Variants in WWOX observed in about 807,000 individuals in gnomAD.
WWOX encodes the protein WW domain containing oxidoreductase.
WWOX carries 69 observed loss-of-function variants against 46.2 expected under a neutral mutation model. That is an observed-to-expected ratio of 1.49 (90% confidence interval 1.23 to 1.82). The LOEUF is 1.82. WWOX is among the 40% of genes most tolerant of loss of function. The probability of loss-of-function intolerance (pLI) is 0.00; values close to 1 mark genes in which losing one functional copy is unlikely to be tolerated. For missense variants in WWOX, 919 were observed against 542.6 expected (o/e 1.69, Z -6.89); for synonymous variants, 359 against 202.6 (o/e 1.77, Z -6.56).
At chr16:78,350,597 G>A (rs1165799411) in intron 5 of WWOX, among the ~76,000 whole-genome samples, 1 of 120,734 alleles carries the variant, frequency 8.3e-6, no homozygotes, top group African/African-American at 2.8e-5. Flanking sequence ...TTAGCATCAT[G>A]TTTTCAAGGG....
At chr16:78,870,916 C>T (rs188918304) in intron 8 of WWOX, among the ~76,000 whole-genome samples, 24 of 152,210 alleles carry the variant, frequency 1.6e-4, no homozygotes, top group Non-Finnish European at 2.6e-4. Context: ...CTAATCAGTT[C>T]CTTTAAATCT....
At chr16:78,216,708 G>T (rs2036733857) in intron 5 of WWOX, among the ~76,000 whole-genome samples, 1 of 151,352 alleles carries the variant, frequency 6.6e-6, no homozygotes, top group South Asian at 2.1e-4. Context: ...GGCCCACCTA[G>T]ATAACCAGGG....
chr16:78,237,645 G>T (rs1318399573), intron 5 of WWOX: 1 of 152,144 alleles, frequency 6.6e-6, no homozygotes, highest in Admixed American at 6.5e-5. Flanking sequence ...TTTGGCTATG[G>T]CCTGCAGGCT....
intron 8 of WWOX, among the ~76,000 whole-genome samples, chr16:78,771,520 C>T (rs1022564370): frequency 6.6e-6 from 1 of 152,012 alleles, no homozygotes; most frequent in Non-Finnish European, 1.5e-5. Context: ...GCCTGTAATC[C>T]CAGCACTTTG....
intron 8 of WWOX, among the ~76,000 whole-genome samples, chr16:78,965,726 G>C (rs992205336): frequency 3.3e-5 from 5 of 152,070 alleles, no homozygotes; most frequent in Admixed American, 3.3e-4. Flanking sequence ...CCCGCATTGT[G>C]ACTTGATCCC....
intron 6 of WWOX, among the ~76,000 whole-genome samples, chr16:78,392,456 G>A (rs1209920563): frequency 1.1e-4 from 16 of 152,022 alleles, no homozygotes; most frequent in Non-Finnish European, 1.8e-4. Flanking sequence ...ATATTACAAC[G>A]TAATAATAAT....
At chr16:79,173,924 G>A (rs2050750438) in intron 8 of WWOX, among the ~76,000 whole-genome samples, 1 of 152,160 alleles carries the variant, frequency 6.6e-6, no homozygotes, top group Admixed American at 6.5e-5. Flanking sequence ...ACTTTTCAAA[G>A]TGTTTAATGT....
At chr16:79,008,388 G>A (rs1001190466) in intron 8 of WWOX, among the ~76,000 whole-genome samples, 5 of 152,148 alleles carry the variant, frequency 3.3e-5, no homozygotes, top group Non-Finnish European at 5.9e-5. Context: ...AACCAACTGC[G>A]TTCAGGCCTC....
chr16:78,342,729 C>G lies in WWOX; in HGVS notation c.517-44131C>G. On this transcript the variant is annotated intron_variant, in intron 5 of 8. Coordinates refer to ENST00000566780, the MANE Select transcript of WWOX (RefSeq NM_016373.4). Reference sequence around the variant, plus strand: ...AGACATTTGCACCCCAGGGATAGCACCATTACTCCCAAAAATTGCAGGTTT... The same window carrying G: ...AGACATTTGCACCCCAGGGATAGCAGCATTACTCCCAAAAATTGCAGGTTT... 1.7e-5 allele frequency among the ~76,000 whole-genome samples: 2 copies of G among 120,444 alleles called. 1 individual carries two copies. Among genetic ancestry groups the G allele is most frequent in the Non-Finnish European group, 4.0e-5 (2 of 50,384 alleles). The allele number at this position is 120,444 out of a possible 152,430, so 79.0% of individuals were successfully genotyped here.
chr16:78,977,109 G>C (rs937503158), intron 8 of WWOX, among the ~76,000 whole-genome samples: 22 of 152,156 alleles, frequency 1.4e-4, no homozygotes. Flanking sequence ...TTTCCTACAA[G>C]CTCTAATATC....
chr16:78,360,853 C>T (rs1222313499), intron 5 of WWOX, among the ~76,000 whole-genome samples: 1 of 150,956 alleles, frequency 6.6e-6, no homozygotes, highest in African/African-American at 2.4e-5. Context: ...CACGGTCTCA[C>T]TCTGTCACCC....
At chr16:78,712,798 C>G (rs2048471428) in intron 8 of WWOX, among the ~76,000 whole-genome samples, 2 of 152,006 alleles carry the variant, frequency 1.3e-5, no homozygotes, top group South Asian at 4.2e-4. Flanking sequence ...GCGGAAAAAA[C>G]TGTTAGAGTA....
intron 8 of WWOX, among the ~76,000 whole-genome samples, chr16:78,841,025 A>G (rs1013283056): frequency 6.6e-6 from 1 of 152,126 alleles, no homozygotes; most frequent in Non-Finnish European, 1.5e-5. Flanking sequence ...CTGTGATGCC[A>G]TAGGCAGTCC....
chr16:78,827,452 T>C (rs533625948), intron 8 of WWOX, among the ~76,000 whole-genome samples: 1 of 148,576 alleles, frequency 6.7e-6, no homozygotes, highest in South Asian at 2.2e-4. Flanking sequence ...CTGTTTTCTG[T>C]TCTGCAAGTT....
chr16:78,135,143 C>T (rs1436149038), intron 4 of WWOX, among the ~76,000 whole-genome samples: 1 of 152,206 alleles, frequency 6.6e-6, no homozygotes, highest in Non-Finnish European at 1.5e-5. Flanking sequence ...GCAGATTCCA[C>T]CCTCAGGCTT....
At chr16:78,623,365 A>G (rs2046234506) in intron 8 of WWOX, among the ~76,000 whole-genome samples, 1 of 152,124 alleles carries the variant, frequency 6.6e-6, no homozygotes, top group Non-Finnish European at 1.5e-5. Flanking sequence ...AGAGATGGGA[A>G]TTTGATGATC....
intron 8 of WWOX, among the ~76,000 whole-genome samples, chr16:78,631,536 T>A (rs2046430664): frequency 7.3e-6 from 1 of 136,338 alleles, no homozygotes; most frequent in African/African-American, 2.5e-5. Flanking sequence ...AGTGTTAAAA[T>A]ATTCTTTTTT....
chr16:78,326,679 A>G (rs2080630924), intron 5 of WWOX, among the ~76,000 whole-genome samples: 1 of 149,208 alleles, frequency 6.7e-6, no homozygotes, highest in Admixed American at 6.8e-5. Context: ...TTAATTTATA[A>G]TTTTTGTTTT....
chr16:78,148,631 C>T (rs905212910), intron 4 of WWOX, among the ~76,000 whole-genome samples: 3 of 151,890 alleles, frequency 2.0e-5, no homozygotes, highest in African/African-American at 4.8e-5. Context: ...GGCAGAGTGG[C>T]TCACGCCTGT....
Sources: allele counts gnomAD v4.1 joint callset (sites outside exome capture counted in the v4.1 genomes callset), GRCh38; gene constraint gnomAD v4.1.1; transcripts MANE v1.5; gene names NCBI Gene and HGNC (gene_info 2026-07-23, HGNC 2026-07-21).